Variants in ESR1 observed in about 807,000 individuals in gnomAD.
ESR1 encodes estrogen receptor.
A neutral mutation model predicts 52.7 loss-of-function variants in ESR1; 12 were observed. The ratio of observed to expected loss-of-function variants is 0.23; its 90% CI spans 0.15 to 0.37. The LOEUF (loss-of-function observed/expected upper bound fraction) is 0.37. Among genes scored for constraint, ESR1 ranks in the 10% least tolerant of loss-of-function variants. ESR1 has a pLI of 1.00. For synonymous variants in ESR1, 305 were observed against 316.8 expected (o/e 0.96, Z 0.39); for missense variants, 584 against 779.7 (o/e 0.75, Z 2.99).
chr6:151,690,254 A>G (rs1005344945), upstream of ESR1, among the ~76,000 whole-genome samples: 1 of 151,538 alleles, frequency 6.6e-6, no homozygotes, highest in African/African-American at 2.4e-5. Context: ...CTAGACTTCA[A>G]GCTTTATTAC....
intron 1 of ESR1, among the ~76,000 whole-genome samples, chr6:151,667,485 A>G (rs1582845139): frequency 6.6e-6 from 1 of 152,256 alleles, no homozygotes; most frequent in African/African-American, 2.4e-5. Flanking sequence ...TTTGATACCT[A>G]AGACTCCCCT....
chr6:151,839,910 T>A (rs1784006654), intron 1 of ESR1, among the ~76,000 whole-genome samples: 1 of 152,200 alleles, frequency 6.6e-6, no homozygotes, highest in African/African-American at 2.4e-5. Flanking sequence ...CTAACATGAT[T>A]GAATTGATGA....
intron 2 of ESR1, among the ~76,000 whole-genome samples, chr6:151,854,766 T>C (rs1445403365): frequency 2.0e-5 from 3 of 152,150 alleles, no homozygotes; most frequent in Non-Finnish European, 4.4e-5. Flanking sequence ...CTGCATCACT[T>C]TAGGGCATTT....
intron 2 of ESR1, among the ~76,000 whole-genome samples, chr6:151,847,853 C>T (rs1275286587): frequency 2.0e-5 from 3 of 151,618 alleles, no homozygotes; most frequent in Non-Finnish European, 4.4e-5. Context: ...AGGTTTTCTT[C>T]TAGGGTTTTT....
chr6:152,078,509 G>A (rs900678175), intron 6 of ESR1, among the ~76,000 whole-genome samples: 4 of 152,076 alleles, frequency 2.6e-5, no homozygotes, highest in Non-Finnish European at 5.9e-5. Context: ...TTGCTTCCAA[G>A]ATGGCTGAAT....
At chr6:151,895,898 T>C (rs1474347941) in intron 3 of ESR1, among the ~76,000 whole-genome samples, 1 of 152,220 alleles carries the variant, frequency 6.6e-6, no homozygotes, top group Non-Finnish European at 1.5e-5. Context: ...CCAGCGATTC[T>C]CCTGCCTCAG....
intron 2 of ESR1, among the ~76,000 whole-genome samples, chr6:151,866,638 C>T (rs1403274394): frequency 6.6e-6 from 1 of 152,152 alleles, no homozygotes; most frequent in East Asian, 1.9e-4. Flanking sequence ...TCATCCATGT[C>T]CCTATAAAGG....
intron 2 of ESR1, among the ~76,000 whole-genome samples, chr6:151,723,527 A>G (rs996976439): frequency 6.6e-6 from 1 of 152,148 alleles, no homozygotes; most frequent in Admixed American, 6.5e-5. Context: ...GAGGGTATCT[A>G]TGGATCTGAT....
intron 2 of ESR1, among the ~76,000 whole-genome samples, chr6:151,779,060 G>T (rs945490593): frequency 6.6e-6 from 1 of 152,068 alleles, no homozygotes; most frequent in African/African-American, 2.4e-5. Context: ...TCACTCTGAT[G>T]ATAGTTTCTT....
chr6:151,949,466 A>T (rs1011919027), intron 4 of ESR1, among the ~76,000 whole-genome samples: 4 of 152,228 alleles, frequency 2.6e-5, no homozygotes, highest in Non-Finnish European at 5.9e-5. Context: ...GGTGTCCAGC[A>T]TGCTTTGGCA....
chr6:151,970,192 G>A (rs967287383), intron 4 of ESR1, among the ~76,000 whole-genome samples: 1 of 152,134 alleles, frequency 6.6e-6, no homozygotes, highest in Non-Finnish European at 1.5e-5. Flanking sequence ...CACAGTGCTC[G>A]GCATTCAGTA....
chr6:151,901,835 G>A (rs1025692251), intron 3 of ESR1, among the ~76,000 whole-genome samples: 6 of 152,148 alleles, frequency 3.9e-5, no homozygotes, highest in African/African-American at 1.4e-4. Context: ...CACAGGGTCT[G>A]TGGATTCTCT....
intron 3 of ESR1, among the ~76,000 whole-genome samples, chr6:151,925,027 G>A (rs1333445572): frequency 6.6e-6 from 1 of 151,998 alleles, no homozygotes; most frequent in Non-Finnish European, 1.5e-5. Context: ...GTCTTTGAGG[G>A]ATTTCCACAC....
rs144972851 is a variant in ESR1 at position 151,896,002 on chromosome 6, C to G, written c.760+15231C>G. 2.5e-4 allele frequency among the ~76,000 whole-genome samples: 38 copies of G among 152,114 alleles called. 1 individual carries two copies. The highest frequency in any genetic ancestry group is 2.5e-3 in the Admixed American group (38 of 15,276). On this transcript the variant is annotated intron_variant, in intron 3 of 7. Coordinates refer to ENST00000206249, the MANE Select transcript of ESR1 (RefSeq NM_000125.4). ...ATAGGGTTTCGCTATGTTGGCCAGG[C>G]GGGTCTTGAACTCCTGACCTCGTGA...
chr6:151,789,092 C>A (rs956485534), intron 2 of ESR1, among the ~76,000 whole-genome samples: 1 of 151,994 alleles, frequency 6.6e-6, no homozygotes, highest in Non-Finnish European at 1.5e-5. Context: ...CACGTGTACC[C>A]CTGAACTTAA....
At chr6:152,047,120 G>T (rs765718801) in intron 5 of ESR1, among the ~76,000 whole-genome samples, 17 of 151,942 alleles carry the variant, frequency 1.1e-4, no homozygotes, top group Non-Finnish European at 8.8e-5. Flanking sequence ...AACTAAAATT[G>T]CCCCCTACTT....
intron 2 of ESR1, among the ~76,000 whole-genome samples, chr6:151,715,251 T>G (rs1044076802): frequency 2.0e-5 from 3 of 152,204 alleles, no homozygotes; most frequent in Non-Finnish European, 4.4e-5. Context: ...ACGACCTTTC[T>G]CTCTGGCTGC....
intron 3 of ESR1, among the ~76,000 whole-genome samples, chr6:151,886,843 C>T (rs1793930113): frequency 6.6e-6 from 1 of 151,942 alleles, no homozygotes. Flanking sequence ...GAGTTTGAGA[C>T]CAGCCTGACC....
rs1157776388 is a variant in ESR1 at position 151,827,758 on chromosome 6, G to C, written c.453-14839G>C. 2.0e-5 allele frequency among the ~76,000 whole-genome samples: 3 copies of C among 152,140 alleles called. No individual in the cohort carries two copies. In the East Asian group the frequency reaches 5.8e-4, roughly 29 times the overall value. On this transcript the variant is annotated intron_variant, in intron 1 of 7. Coordinates refer to ENST00000206249, the MANE Select transcript of ESR1 (RefSeq NM_000125.4). ...GTCGAGCTGATGAAATTTCCTGAGGGGTTGGATGTGACATGAGAGAGGAGT... is the reference window on the plus strand; with the variant it reads ...GTCGAGCTGATGAAATTTCCTGAGGCGTTGGATGTGACATGAGAGAGGAGT...
Sources: allele counts gnomAD v4.1 joint callset (sites outside exome capture counted in the v4.1 genomes callset), GRCh38; gene constraint gnomAD v4.1.1; transcripts MANE v1.5; gene names NCBI Gene and HGNC (gene_info 2026-07-23, HGNC 2026-07-21).